Variants in TRDMT1 observed in about 807,000 individuals in gnomAD.
The protein encoded by TRDMT1 is tRNA (cytosine(38)-C(5))-methyltransferase.
In TRDMT1, 49 loss-of-function variants were observed where a neutral mutation model predicts 51.2. The observed-to-expected ratio is 0.96, with a 90% CI of 0.76 to 1.21. The LOEUF is 1.21. TRDMT1 is among the 50% of genes most tolerant of loss of function. The pLI is 0.00. For synonymous variants in TRDMT1, 187 were observed against 164.6 expected, an observed-to-expected ratio of 1.14 and a Z score of -1.04; for missense variants, 534 against 462.3, an observed-to-expected ratio of 1.16 and a Z score of -1.42.
At position 17,145,150 on chromosome 10, in the gene TRDMT1, G is replaced by C; in HGVS notation, c.*3890C>G. 1 of 620,822 alleles carries C rather than the reference G, an allele frequency of 1.6e-6. No homozygotes were observed. The highest frequency in any genetic ancestry group is 2.0e-6 in the Non-Finnish European group (1 of 496,958). 38.5% of individuals were successfully genotyped at this position (620,822 alleles called of 1,614,324 possible). On this transcript the variant is annotated 3_prime_UTR_variant, in exon 11 of 11. Coordinates refer to ENST00000377799, the MANE Select transcript of TRDMT1 (RefSeq NM_004412.7). ...TAATCCCAGCTACTAGGGAGGCTGA[G>C]GCAGGAAAATCACTTTAACCCAGGA...
chr10:17,151,242 A>T, intron 10 of TRDMT1: 1 of 943,766 alleles, frequency 1.1e-6, no homozygotes, highest in Non-Finnish European at 1.3e-6. Context: ...TTTTAAGTTA[A>T]AAGACAACTT....
chr10:17,194,789 C>G (rs895186864), intron 1 of TRDMT1, among the ~76,000 whole-genome samples: 6 of 151,796 alleles, frequency 4.0e-5, no homozygotes, highest in Admixed American at 1.3e-4. Flanking sequence ...AAAAATTAGC[C>G]AAGCGTGGTC....
chr10:17,155,656 T>TTC (rs768795979), intron 8 of TRDMT1, among the ~76,000 whole-genome samples: 2 of 152,336 alleles, frequency 1.3e-5, no homozygotes, highest in African/African-American at 4.8e-5. Context: ...TTAGCAGTAT[T>TTC]TCTCTCTCTA....
intron 1 of TRDMT1, among the ~76,000 whole-genome samples, chr10:17,195,884 G>A (rs1845346080): frequency 6.6e-6 from 1 of 151,868 alleles, no homozygotes; most frequent in African/African-American, 2.4e-5. Context: ...TAACTAGAAG[G>A]AAAGAGGCAT....
chr10:17,161,744 T>C (rs180977037), intron 4 of TRDMT1, among the ~76,000 whole-genome samples, 196 bp from the exon 5 acceptor site: 4 of 152,374 alleles, frequency 2.6e-5, no homozygotes, highest in African/African-American at 7.2e-5. Context: ...AAGTTAACAT[T>C]TGAAATGTTG....
At position 17,142,829 on chromosome 10, in the gene TRDMT1, AGT is replaced by A. The variant is rs1837794971; in HGVS notation, c.*6209_*6210del. On this transcript the variant is annotated 3_prime_UTR_variant, in exon 11 of 11. Coordinates refer to ENST00000377799, the MANE Select transcript of TRDMT1 (RefSeq NM_004412.7). ...TCCTCTAGTCTTGGGGTCCCTCCGC[AGT>A]GTGTCTTCCTGGTCCCACCTTTCAG... 3.2e-6 allele frequency: 1 copy of A among 307,908 alleles called. No individual in the cohort carries two copies. 19.1% of individuals were successfully genotyped at this position (307,908 alleles called of 1,614,324 possible).
At position 17,138,121 on chromosome 10, in the gene TRDMT1, C is replaced by G. The variant is rs970946160; in HGVS notation, c.*10919G>C. Among the ~76,000 whole-genome samples, 1 of 152,106 alleles carries G rather than the reference C, an allele frequency of 6.6e-6. No individual in the cohort carries two copies. Among genetic ancestry groups the G allele is most frequent in the Non-Finnish European group, 1.5e-5 (1 of 68,012 alleles). On this transcript the variant is annotated 3_prime_UTR_variant, in exon 11 of 11. Coordinates refer to ENST00000377799, the MANE Select transcript of TRDMT1 (RefSeq NM_004412.7). ...GTGCGTTGGAGGATGGACAAATTGG[C>G]AAGATTCTCACACCCCTAATGCTAG...
chr10:17,153,584 G>C lies in TRDMT1; in HGVS notation c.998C>G (p.Thr333Arg), dbSNP rs1441151311. ...LTNLSQEEQI[T>R]KLLILKLRYF... ...TCGCAGTTTAAGTATTAACAGCTTT[G>C]TTATCTGTTCTTCTTGTGACAAATT... The change falls in exon 10 of 11, where the codon ACA becomes AGA. Residue 333 changes from threonine to arginine, a missense_variant. Physicochemically the swap from Thr to Arg is moderately conservative, Grantham distance 71 (BLOSUM62 -1). Coordinates refer to ENST00000377799, the MANE Select transcript of TRDMT1 (RefSeq NM_004412.7). 6.2e-7 allele frequency: 1 copy of C among 1,610,752 alleles called. No individual in the cohort carries two copies. The highest frequency in any genetic ancestry group is 8.5e-7 in the Non-Finnish European group (1 of 1,178,694).
intron 5 of TRDMT1, 94 bp from the exon 6 acceptor site, chr10:17,160,468 T>C: frequency 1.1e-6 from 1 of 911,740 alleles, no homozygotes; most frequent in Non-Finnish European, 1.6e-6. Flanking sequence ...TTGTTTGTTT[T>C]CTTGTTTTTT....
rs373467609 is a variant in TRDMT1, at chr10:17,174,649, G to C, written c.76C>G (p.Pro26Ala). 6.8e-6 allele frequency: 11 copies of C among 1,612,660 alleles called. No individual in the cohort carries two copies. The highest frequency in any genetic ancestry group is 2.7e-5 in the African/African-American group (2 of 74,874). ...MHHALRESCI[P>A]AQVVAAIDVN... ...TCAATGGCAGCCACCACTTGTGCAGGTATACAGCTTTCTGTAATGATAAAT... is the reference window on the plus strand; with the variant it reads ...TCAATGGCAGCCACCACTTGTGCAGCTATACAGCTTTCTGTAATGATAAAT... The change falls in exon 2 of 11, where the codon CCT becomes GCT. Residue 26 changes from proline to alanine, a missense_variant. Coordinates refer to ENST00000377799, the MANE Select transcript of TRDMT1 (RefSeq NM_004412.7).
chr10:17,146,055 T>C lies in TRDMT1; in HGVS notation c.*2985A>G, dbSNP rs773629598. On this transcript the variant is annotated 3_prime_UTR_variant, in exon 11 of 11. Coordinates refer to ENST00000377799, the MANE Select transcript of TRDMT1 (RefSeq NM_004412.7). ...TTGCCTGCACTCATCTCTAACCCCA[T>C]CCAATTTTACATCCCACATGGTAGC... 1.0e-6 allele frequency: 1 copy of C among 985,354 alleles called. No individual in the cohort carries two copies. Among genetic ancestry groups the C allele is most frequent in the Non-Finnish European group, 1.2e-6 (1 of 829,910 alleles). The allele number at this position is 985,354 out of a possible 1,614,324, so 61.0% of individuals were successfully genotyped here. A position where few individuals can be genotyped will look rare whatever the true frequency, so the allele number is the denominator to read the frequency against.
Position 17,160,373 on chromosome 10 carries a change from C to T in TRDMT1, c.391G>A (p.Asp131Asn). 6.6e-7 allele frequency: 1 copy of T among 1,511,188 alleles called. No homozygotes were observed. The allele number at this position is 1,511,188 out of a possible 1,614,324, so 93.6% of individuals were successfully genotyped here. Residue 131 changes from aspartate to asparagine, a missense_variant and splice_region_variant, in exon 6 of 11, where the codon GAC (aspartate) becomes AAC (asparagine). By Grantham distance (23) the Asp-to-Asn change is conservative. Coordinates refer to ENST00000377799, the MANE Select transcript of TRDMT1 (RefSeq NM_004412.7). ...TTTTCTATTGTTTGTATCAAGAGGT[C>T]TCTAAAAAGAAAAAAAAAAAACTTT... ...VKGFEVSSTR[D>N]LLIQTIENCG...
Position 17,147,207 on chromosome 10 carries a change from G to T in TRDMT1, c.*1833C>A. ...CAGTGAACAGAACCTACATGAAAGT[G>T]TGCCAAAATAATTTGTGATTGTTTA... On this transcript the variant is annotated 3_prime_UTR_variant, in exon 11 of 11. Transcript: ENST00000377799. The T allele has an allele frequency of 2.0e-6, 2 of 985,796 alleles. No homozygotes were observed. The highest frequency in any genetic ancestry group is 2.4e-6 in the Non-Finnish European group (2 of 829,920). 61.1% of individuals were successfully genotyped at this position (985,796 alleles called of 1,614,324 possible).
Position 17,148,522 on chromosome 10 carries a change from T to C in TRDMT1, c.*518A>G, listed in dbSNP as rs1373766599. 2 of 985,180 alleles carry C rather than the reference T, an allele frequency of 2.0e-6. No individual in the cohort carries two copies. The highest frequency in any genetic ancestry group is 2.4e-6 in the Non-Finnish European group (2 of 829,822). The allele number at this position is 985,180 out of a possible 1,614,324, so 61.0% of individuals were successfully genotyped here. A position where few individuals can be genotyped will look rare whatever the true frequency, so the allele number is the denominator to read the frequency against. ...CTGACATATTCTTCAGTCTGCTGTA[T>C]AAACTGAATGATGATAATTTGGTTT... On this transcript the variant is annotated 3_prime_UTR_variant, in exon 11 of 11. Transcript: ENST00000377799.
chr10:17,177,135 T>A (rs923195034), intron 1 of TRDMT1, among the ~76,000 whole-genome samples: 4 of 151,284 alleles, frequency 2.6e-5, no homozygotes, highest in Non-Finnish European at 5.9e-5. Context: ...GGAAGCCTGG[T>A]TTAAAAAAAA....
Position 17,144,164 on chromosome 10 carries a change from C to G in TRDMT1, c.*4876G>C. 1.0e-6 allele frequency: 1 copy of G among 985,550 alleles called. No homozygotes were observed. The highest frequency in any genetic ancestry group is 1.2e-6 in the Non-Finnish European group (1 of 829,910). 61.1% of individuals were successfully genotyped at this position (985,550 alleles called of 1,614,324 possible). A position where few individuals can be genotyped will look rare whatever the true frequency, so the allele number is the denominator to read the frequency against. On this transcript the variant is annotated 3_prime_UTR_variant, in exon 11 of 11. Transcript: ENST00000377799. ...GCTCCAAGCCTCTGCTCTTCTTTTT[C>G]TCTTTCTCTCTTTCACTCTCATCCT...
Position 17,183,976 on chromosome 10 carries a change from C to T in TRDMT1, c.65-9316G>A, listed in dbSNP as rs1268084718. Among the ~76,000 whole-genome samples, 7 of 152,230 alleles carry T rather than the reference C, an allele frequency of 4.6e-5. No homozygotes were observed. The East Asian group carries it at 1.3e-3, about 29-fold the overall frequency. ...GTAACTCAGTGCATTATTTTACCTG[C>T]TAACTCAACAATAATCAAAAGAAAA... On this transcript the variant is annotated intron_variant, in intron 1 of 10. Transcript: ENST00000377799.
chr10:17,194,266 G>C (rs904079337), intron 1 of TRDMT1, among the ~76,000 whole-genome samples: 3 of 152,164 alleles, frequency 2.0e-5, no homozygotes, highest in African/African-American at 4.8e-5. Context: ...TTATGACTAA[G>C]TCTTCATAAA....
chr10:17,164,448 A>G (rs1840875018), intron 3 of TRDMT1, among the ~76,000 whole-genome samples: 2 of 152,226 alleles, frequency 1.3e-5, no homozygotes, highest in Non-Finnish European at 2.9e-5. Flanking sequence ...ATTCCCTTTG[A>G]AAACTGGCAC....
Sources: gnomAD v4.1 joint callset for allele counts (sites outside exome capture counted in the v4.1 genomes callset) on GRCh38, gnomAD v4.1.1 for gene constraint, MANE v1.5 for transcripts, NCBI Gene and HGNC (gene_info 2026-07-23, HGNC 2026-07-21) for gene names.